BMERB1: variants seen among roughly 807,000 people sequenced by gnomAD.
BMERB1 encodes the protein bMERB domain containing 1, also known as bMERB domain-containing protein 1.
A neutral mutation model predicts 23.6 loss-of-function variants in BMERB1; 12 were observed. The observed-to-expected ratio is 0.51, with a 90% confidence interval of 0.33 to 0.82. The LOEUF is 0.82. BMERB1 is among the 40% of genes least tolerant of loss of function. The pLI, the probability that BMERB1 is intolerant of heterozygous loss-of-function variation, is 0.03. For synonymous variants in BMERB1, 122 were observed against 96.6 expected, an observed-to-expected ratio of 1.26 and a Z score of -1.54; for missense variants, 247 against 255.4, an observed-to-expected ratio of 0.97 and a Z score of 0.22.
At position 15,587,976 on chromosome 16, in the gene BMERB1, T is replaced by TTTAC. The variant is rs1205348904; in HGVS notation, c.*1150_*1153dup. The TTTAC allele has an allele frequency of 6.6e-6, 1 of 152,636 alleles. No individual in the cohort carries two copies. Among genetic ancestry groups the TTTAC allele is most frequent in the African/African-American group, 2.4e-5 (1 of 41,436 alleles). 9.5% of individuals were successfully genotyped at this position (152,636 alleles called of 1,614,324 possible). A position where few individuals can be genotyped will look rare whatever the true frequency, so the allele number is the denominator to read the frequency against. On this transcript the variant is annotated 3_prime_UTR_variant, in exon 6 of 6. Coordinates refer to ENST00000300006, the MANE Select transcript of BMERB1 (RefSeq NM_033201.3). ...CCACGTTCACAGCATTTTAAAAGTTTTTACTTTTTTTCTTGATTATGGAAG... is the reference window on the plus strand; with the variant it reads ...CCACGTTCACAGCATTTTAAAAGTTTTTACTTACTTTTTTTCTTGATTATGGAAG...
chr16:15,497,450 C>CT lies in BMERB1; in HGVS notation c.107-17852dup, dbSNP rs572573115. Reference sequence around the variant, plus strand: ...GAGGAAGGAACTCAGATAAAACAAACTTTAAGTTTCAAGAGTTAAGACCAG... The same window carrying CT: ...GAGGAAGGAACTCAGATAAAACAAACTTTTAAGTTTCAAGAGTTAAGACCAG... On this transcript the variant is annotated intron_variant, in intron 1 of 5. Transcript: ENST00000300006. Among the ~76,000 whole-genome samples the CT allele has an allele frequency of 1.4e-4, 21 of 152,260 alleles. No individual in the cohort carries two copies. The East Asian group carries it at 3.7e-3, about 27-fold the overall frequency.
At position 15,586,896 on chromosome 16, in the gene BMERB1, T is replaced by C. The variant is rs938191154; in HGVS notation, c.*67T>C. The C allele has an allele frequency of 4.7e-6, 5 of 1,055,814 alleles. No homozygotes were observed. The Admixed American group carries it at 9.9e-5, about 21-fold the overall frequency. 65.4% of individuals were successfully genotyped at this position (1,055,814 alleles called of 1,614,324 possible). The stretch of plus-strand genomic sequence containing the variant: ...CCCTCTTGTCTTTATAGCCCCCATT[T>C]CACCGGGGCCCAAGAGCTCTCCAAG... On this transcript the variant is annotated 3_prime_UTR_variant, in exon 6 of 6. Transcript: ENST00000300006.
intron 3 of BMERB1, chr16:15,577,279 C>G (rs1217305076): frequency 6.6e-6 from 1 of 152,182 alleles, no homozygotes; most frequent in Admixed American, 6.5e-5. Context: ...TTACTGGCTG[C>G]TCCTTGTTAG....
intron 1 of BMERB1, among the ~76,000 whole-genome samples, chr16:15,436,288 C>T (rs1232629066): frequency 7.0e-5 from 9 of 128,656 alleles, no homozygotes; most frequent in African/African-American, 1.2e-4. Context: ...GACGGAGTTT[C>T]GCTCTTGTTG....
At chr16:15,517,219 G>A (rs1202786209) in intron 2 of BMERB1, among the ~76,000 whole-genome samples, 3 of 152,170 alleles carry the variant, frequency 2.0e-5, no homozygotes, top group Non-Finnish European at 1.5e-5. Context: ...TTAAAAGGAA[G>A]ACAGAGAGGC....
chr16:15,558,366 T>A (rs2030325299), intron 2 of BMERB1, among the ~76,000 whole-genome samples: 1 of 151,818 alleles, frequency 6.6e-6, no homozygotes, highest in African/African-American at 2.4e-5. Flanking sequence ...TGGGAAGAGG[T>A]GATTGGAGGC....
At chr16:15,524,876 A>G (rs1415152975) in intron 2 of BMERB1, among the ~76,000 whole-genome samples, 1 of 152,248 alleles carries the variant, frequency 6.6e-6, no homozygotes, top group African/African-American at 2.4e-5. Flanking sequence ...AATACTCTCT[A>G]GAAGTTCCGT....
At chr16:15,583,002 C>A (rs1223577222) in intron 4 of BMERB1, among the ~76,000 whole-genome samples, 154 bp from the exon 5 acceptor site, 1 of 152,222 alleles carries the variant, frequency 6.6e-6, no homozygotes, top group Non-Finnish European at 1.5e-5. Context: ...TCACCAGATA[C>A]AACATATACA....
chr16:15,580,597 G>C (rs1483524623), intron 3 of BMERB1, among the ~76,000 whole-genome samples: 1 of 147,424 alleles, frequency 6.8e-6, no homozygotes, highest in Non-Finnish European at 1.5e-5. Context: ...ACCCAGGCTA[G>C]AGTGCAGTGG....
intron 1 of BMERB1, among the ~76,000 whole-genome samples, chr16:15,505,778 C>T (rs939879828): frequency 6.6e-6 from 1 of 151,160 alleles, no homozygotes; most frequent in African/African-American, 2.4e-5. Flanking sequence ...GTCCCAGCTA[C>T]TTGGGAGGCT....
intron 1 of BMERB1, among the ~76,000 whole-genome samples, chr16:15,439,544 G>C (rs2050920366): frequency 6.6e-6 from 1 of 151,978 alleles, no homozygotes; most frequent in Admixed American, 6.6e-5. Flanking sequence ...TAATGATTCT[G>C]TACATACTGC....
At chr16:15,522,625 A>C (rs1324712315) in intron 2 of BMERB1, among the ~76,000 whole-genome samples, 1 of 152,242 alleles carries the variant, frequency 6.6e-6, no homozygotes, top group Non-Finnish European at 1.5e-5. Context: ...TGAGAGGTCA[A>C]GTCTCTTGCC....
intron 2 of BMERB1, among the ~76,000 whole-genome samples, chr16:15,529,182 G>A (rs911016250): frequency 1.3e-5 from 2 of 151,982 alleles, no homozygotes; most frequent in South Asian, 2.1e-4. Flanking sequence ...CCACCACCAC[G>A]CCCGGCTAAC....
intron 2 of BMERB1, among the ~76,000 whole-genome samples, chr16:15,555,196 C>T (rs1464426422): frequency 6.6e-6 from 1 of 152,114 alleles, no homozygotes; most frequent in African/African-American, 2.4e-5. Context: ...CTACCTCAGC[C>T]TCTCTGGTAG....
At chr16:15,448,317 A>C (rs1039799731) in intron 1 of BMERB1, among the ~76,000 whole-genome samples, 1 of 152,208 alleles carries the variant, frequency 6.6e-6, no homozygotes, top group African/African-American at 2.4e-5. Context: ...TGTATGTCCA[A>C]ATATCCATGG....
intron 2 of BMERB1, among the ~76,000 whole-genome samples, chr16:15,529,319 C>A (rs746215443): frequency 6.6e-6 from 1 of 152,138 alleles, no homozygotes; most frequent in African/African-American, 2.4e-5. Flanking sequence ...AGCCACCGCG[C>A]CCGGCGGTGT....
At chr16:15,524,410 C>T (rs2051886001) in intron 2 of BMERB1, among the ~76,000 whole-genome samples, 1 of 152,106 alleles carries the variant, frequency 6.6e-6, no homozygotes, top group Non-Finnish European at 1.5e-5. Flanking sequence ...GGACCCTCCT[C>T]CTGAATTTCT....
chr16:15,504,103 A>G (rs1380913796), intron 1 of BMERB1, among the ~76,000 whole-genome samples: 1 of 152,186 alleles, frequency 6.6e-6, no homozygotes, highest in Admixed American at 6.5e-5. Flanking sequence ...TTGCAGATGA[A>G]GAAACTGAGG....
Position 15,545,991 on chromosome 16 carries a change from A to G in BMERB1, c.231-21992A>G, listed in dbSNP as rs191718464. Among the ~76,000 whole-genome samples, 60 of 151,704 alleles carry G rather than the reference A, an allele frequency of 4.0e-4. No homozygotes were observed. The East Asian group carries it at 0.01, about 26-fold the overall frequency. ...AGAAGGTCTTCTTTGACAGAGGTCA[A>G]AGAAGAGGGTGGGGGCCAGGCACAG... On this transcript the variant is annotated intron_variant, in intron 2 of 5. Coordinates refer to ENST00000300006, the MANE Select transcript of BMERB1 (RefSeq NM_033201.3).
Sources: gnomAD v4.1 joint callset for allele counts (sites outside exome capture counted in the v4.1 genomes callset) on GRCh38, gnomAD v4.1.1 for gene constraint, MANE v1.5 for transcripts, NCBI Gene and HGNC (gene_info 2026-07-23, HGNC 2026-07-21) for gene names.